The following IPCEF1 variants were observed in gnomAD, a reference collection of about 807,000 sequenced individuals.
The protein encoded by IPCEF1 is interaction protein for cytohesin exchange factors 1.
A neutral mutation model predicts 50.9 loss-of-function variants in IPCEF1; 31 were observed. The observed-to-expected ratio is 0.61, with a 90% CI of 0.46 to 0.82. IPCEF1 has a LOEUF of 0.82. Among genes scored for constraint, IPCEF1 ranks in the 40% least tolerant of loss-of-function variants. The probability of loss-of-function intolerance (pLI) is 0.00; values close to 1 mark genes in which losing one functional copy is unlikely to be tolerated. For missense variants in IPCEF1, 458 were observed against 514.0 expected (o/e 0.89, Z 1.05); for synonymous variants, 181 against 192.0 (o/e 0.94, Z 0.47).
intron 1 of IPCEF1, among the ~76,000 whole-genome samples, chr6:154,321,849 T>C (rs60957366): frequency 0.02 from 2,560 of 127,070 alleles, 84 homozygotes; most frequent in African/African-American, 0.071. Flanking sequence ...GAGGAGGAGA[T>C]AATTCTCAAG....
chr6:154,202,116 C>A (rs1376542869), intron 9 of IPCEF1, among the ~76,000 whole-genome samples: 1 of 152,146 alleles, frequency 6.6e-6, no homozygotes, highest in Admixed American at 6.5e-5. Context: ...AATGTGTACC[C>A]AATCAGTTCC....
intron 5 of IPCEF1, among the ~76,000 whole-genome samples, chr6:154,225,418 AG>A (rs1181686872): frequency 5.9e-5 from 9 of 152,280 alleles, no homozygotes; most frequent in African/African-American, 1.9e-4. Context: ...GCCTTAAAAA[AG>A]AATAAAGTAC....
intron 5 of IPCEF1, among the ~76,000 whole-genome samples, chr6:154,245,162 T>C (rs998088250): frequency 9.2e-5 from 14 of 152,018 alleles, no homozygotes; most frequent in African/African-American, 3.4e-4. Flanking sequence ...AGATGAAGAA[T>C]GTATTCAGGA....
At chr6:154,303,092 C>CTTTT (rs71021038) in intron 1 of IPCEF1, among the ~76,000 whole-genome samples, 14 of 121,380 alleles carry the variant, frequency 1.2e-4, no homozygotes, top group Admixed American at 1.8e-4. Flanking sequence ...TATGATAGCA[C>CTTTT]TTTTTTTTTT....
chr6:154,194,520 C>T (rs749779495), intron 10 of IPCEF1, among the ~76,000 whole-genome samples: 3 of 152,150 alleles, frequency 2.0e-5, no homozygotes, highest in African/African-American at 4.8e-5. Flanking sequence ...TGACCTCCAA[C>T]TCCTCAACCC....
chr6:154,186,451 A>G (rs549063534), intron 10 of IPCEF1, among the ~76,000 whole-genome samples: 8 of 152,306 alleles, frequency 5.3e-5, no homozygotes, highest in Middle Eastern at 3.4e-3. Flanking sequence ...AGCAAATCCC[A>G]TCACCTCCAC....
intron 10 of IPCEF1, among the ~76,000 whole-genome samples, chr6:154,177,449 A>G (rs1444523861): frequency 6.6e-6 from 1 of 152,208 alleles, no homozygotes; most frequent in African/African-American, 2.4e-5. Context: ...TAAGAAAAAA[A>G]CAAACAACCC....
At chr6:154,301,774 C>T (rs1782802318) in intron 1 of IPCEF1, among the ~76,000 whole-genome samples, 1 of 152,070 alleles carries the variant, frequency 6.6e-6, no homozygotes, top group Non-Finnish European at 1.5e-5. Flanking sequence ...GTAAGAATCA[C>T]TAATCCACAT....
At chr6:154,332,288 GT>G (rs59261360) in intron 1 of IPCEF1, among the ~76,000 whole-genome samples, 64,366 of 140,292 alleles carry the variant, frequency 0.46, 14,338 homozygotes, top group South Asian at 0.56. Context: ...TGTGTGAGTG[GT>G]TTTTTTTTTT....
intron 1 of IPCEF1, among the ~76,000 whole-genome samples, chr6:154,346,380 T>C (rs1325513247): frequency 6.6e-6 from 1 of 152,202 alleles, no homozygotes; most frequent in African/African-American, 2.4e-5. Flanking sequence ...TGATAACACA[T>C]TTTACTATGA....
chr6:154,235,993 T>A (rs567593618), intron 5 of IPCEF1, among the ~76,000 whole-genome samples: 1 of 152,348 alleles, frequency 6.6e-6, no homozygotes, highest in African/African-American at 2.4e-5. Context: ...CAAAATAGCA[T>A]GGTAGCGCCT....
intron 2 of IPCEF1, among the ~76,000 whole-genome samples, chr6:154,270,839 G>T (rs372379716): frequency 1.3e-5 from 2 of 152,024 alleles, no homozygotes; most frequent in Non-Finnish European, 2.9e-5. Context: ...AGCCAGGTGC[G>T]GTGGTGCACA....
intron 1 of IPCEF1, among the ~76,000 whole-genome samples, chr6:154,335,348 C>A (rs1783765873): frequency 6.6e-6 from 1 of 152,164 alleles, no homozygotes; most frequent in African/African-American, 2.4e-5. Flanking sequence ...AGCTTCTGAA[C>A]CCCAATGGGG....
chr6:154,340,371 C>T (rs1783884639), intron 1 of IPCEF1, among the ~76,000 whole-genome samples: 1 of 152,062 alleles, frequency 6.6e-6, no homozygotes, highest in South Asian at 2.1e-4. Context: ...CCGCCCCAAC[C>T]TCCCTAGTAG....
At chr6:154,216,314 G>C (rs1474262975) in intron 7 of IPCEF1, among the ~76,000 whole-genome samples, 1 of 151,964 alleles carries the variant, frequency 6.6e-6, no homozygotes, top group East Asian at 1.9e-4. Context: ...ATGGGGGTGG[G>C]GGGTGGTTGT....
At chr6:154,308,890 C>T (rs754693148) in intron 1 of IPCEF1, among the ~76,000 whole-genome samples, 9 of 152,142 alleles carry the variant, frequency 5.9e-5, no homozygotes, top group South Asian at 4.1e-4. Flanking sequence ...AAATTAGATG[C>T]GATAAGGTGT....
chr6:154,305,489 C>G (rs529885541), intron 1 of IPCEF1, among the ~76,000 whole-genome samples: 1 of 152,284 alleles, frequency 6.6e-6, no homozygotes, highest in South Asian at 2.1e-4. Context: ...TAATCTTTCA[C>G]AAAAATCACA....
At chr6:154,288,551 T>C (rs781468684) in intron 2 of IPCEF1, among the ~76,000 whole-genome samples, 1 of 151,500 alleles carries the variant, frequency 6.6e-6, no homozygotes, top group Non-Finnish European at 1.5e-5. Context: ...TAGTCCGAGC[T>C]ACCAGGGAGC....
intron 1 of IPCEF1, among the ~76,000 whole-genome samples, chr6:154,352,610 CTCTCCTT>C (rs1473473084): frequency 6.6e-6 from 1 of 152,214 alleles, no homozygotes; most frequent in Non-Finnish European, 1.5e-5. Context: ...TGCCGACTAT[CTCTCCTT>C]TCTAAGACAA....
Sources: gnomAD v4.1 joint callset for allele counts (sites outside exome capture counted in the v4.1 genomes callset) on GRCh38, gnomAD v4.1.1 for gene constraint, MANE v1.5 for transcripts, NCBI Gene and HGNC (gene_info 2026-07-23, HGNC 2026-07-21) for gene names.